CCNL2: variants seen among roughly 807,000 people sequenced by gnomAD.
CCNL2 encodes cyclin L2.
In CCNL2, 28 loss-of-function variants were observed where a neutral mutation model predicts 59.1. That is an observed-to-expected ratio of 0.47 (90% CI 0.35 to 0.65). CCNL2 has a LOEUF of 0.65. Among genes scored for constraint, CCNL2 ranks in the 30% least tolerant of loss-of-function variants. The pLI is 0.00. For missense variants in CCNL2, 714 were observed against 717.4 expected, an observed-to-expected ratio of 1.00 and a Z score of 0.05; for synonymous variants, 342 against 288.6, an observed-to-expected ratio of 1.19 and a Z score of -1.88.
chr1:1,391,243 T>C, intron 5 of CCNL2: 1 of 1,102,790 alleles, frequency 9.1e-7, no homozygotes, highest in Non-Finnish European at 1.1e-6. Flanking sequence ...TAAAACGCTT[T>C]TGATTAAAGA....
chr1:1,398,518 C>T (rs1386030545), intron 2 of CCNL2, 79 bp downstream of exon 2: 1 of 1,583,396 alleles, frequency 6.3e-7, no homozygotes, highest in Non-Finnish European at 8.7e-7. Context: ...TACTCACTCC[C>T]TTAGTAACCG....
At chr1:1,390,974 C>T (rs1375908117) in intron 5 of CCNL2, 109 bp from the exon 6 acceptor site, 1 of 986,686 alleles carries the variant, frequency 1.0e-6, no homozygotes, top group African/African-American at 1.6e-5. Context: ...TCTAAGGAGT[C>T]TATTGCTAGG....
chr1:1,397,102 G>C (rs923629834), intron 3 of CCNL2, among the ~76,000 whole-genome samples: 1 of 152,080 alleles, frequency 6.6e-6, no homozygotes, highest in Non-Finnish European at 1.5e-5. Context: ...GGCTGGTCTC[G>C]AACTCCTGAC....
chr1:1,386,126 T>A lies in CCNL2; in HGVS notation c.*1105A>T, dbSNP rs1317142658. Reference sequence around the variant, plus strand: ...TGATGACAGTGGGGGGCACTCAGAGTGCAGGTGCCACCCCCGTGGGGTGAC... The same window carrying A: ...TGATGACAGTGGGGGGCACTCAGAGAGCAGGTGCCACCCCCGTGGGGTGAC... On this transcript the variant is annotated 3_prime_UTR_variant, in exon 11 of 11. Transcript: ENST00000400809. The A allele has an allele frequency of 6.6e-6, 1 of 152,088 alleles. No homozygotes were observed. Among genetic ancestry groups the A allele is most frequent in the Non-Finnish European group, 1.5e-5 (1 of 68,012 alleles). 9.4% of individuals were successfully genotyped at this position (152,088 alleles called of 1,614,324 possible). A position where few individuals can be genotyped will look rare whatever the true frequency, so the allele number is the denominator to read the frequency against.
chr1:1,393,468 A>T lies in CCNL2; in HGVS notation c.595-8T>A. On this transcript the variant is annotated splice_region_variant and splice_polypyrimidine_tract_variant and intron_variant, in intron 4 of 10. Transcript: ENST00000400809. Reference sequence around the variant, plus strand: ...AAGGTACATAACGATTATCTGGAAGATACGGGTCAGGCAGTTATTACCAAG... The same window carrying T: ...AAGGTACATAACGATTATCTGGAAGTTACGGGTCAGGCAGTTATTACCAAG... 1.9e-6 allele frequency: 3 copies of T among 1,613,710 alleles called. No homozygotes were observed. Among genetic ancestry groups the T allele is most frequent in the Non-Finnish European group, 2.5e-6 (3 of 1,179,584 alleles).
At chr1:1,390,642 C>A (rs1307966121) in intron 6 of CCNL2, 79 bp from the exon 7 acceptor site, 2 of 1,471,778 alleles carry the variant, frequency 1.4e-6, no homozygotes, top group Non-Finnish European at 1.9e-6. Context: ...AAAAAACAGC[C>A]TGTTGGTCAC....
intron 3 of CCNL2, 88 bp downstream of exon 3, chr1:1,398,145 T>C (rs760792021): frequency 1.6e-6 from 2 of 1,271,834 alleles, no homozygotes; most frequent in African/African-American, 1.5e-5. Flanking sequence ...CTCAGGCCTG[T>C]ATTGTGTTAT....
Position 1,390,330 on chromosome 1 carries a change from C to T in CCNL2, c.906G>A (p.Lys302=). The change falls in exon 8 of 11, where the codon AAG becomes AAA. Residue 302 remains lysine (K), a synonymous_variant. Coordinates refer to ENST00000400809, the MANE Select transcript of CCNL2 (RefSeq NM_030937.6). ...GGGCCTTTGCCTCTTCGATAGCGTG[C>T]TTTCTTTTTTCCACTTCACCCTCCA... The part of the protein sequence containing the change: ...THLEGEVEKR[K]HAIEEAKAQA... The T allele has an allele frequency of 6.2e-7, 1 of 1,613,990 alleles. No homozygotes were observed. Among genetic ancestry groups the T allele is most frequent in the Non-Finnish European group, 8.5e-7 (1 of 1,179,906 alleles).
At chr1:1,390,954 G>GT in intron 5 of CCNL2, 89 bp from the exon 6 acceptor site, 1 of 1,134,838 alleles carries the variant, frequency 8.8e-7, no homozygotes, top group Non-Finnish European at 1.3e-6. Context: ...CTAGATAAAC[G>GT]TACTACTCCT....
chr1:1,389,368 C>CA (rs896066595), intron 8 of CCNL2: 27 of 152,200 alleles, frequency 1.8e-4, no homozygotes, highest in African/African-American at 3.6e-4. Flanking sequence ...GACTCCATCT[C>CA]AAAAAAAAGA....
Position 1,387,883 on chromosome 1 carries a change from A to C in CCNL2, c.1119-14T>G. Reference sequence around the variant, plus strand: ...CCCTTTGGCAAGCTGTGAACAGGACAGGAGCCAGTTACAAAGCAGAAGTCC... The same window carrying C: ...CCCTTTGGCAAGCTGTGAACAGGACCGGAGCCAGTTACAAAGCAGAAGTCC... On this transcript the variant is annotated splice_polypyrimidine_tract_variant and intron_variant, in intron 9 of 10. Coordinates refer to ENST00000400809, the MANE Select transcript of CCNL2 (RefSeq NM_030937.6). 1 of 1,613,858 alleles carries C rather than the reference A, an allele frequency of 6.2e-7. No individual in the cohort carries two copies. Among genetic ancestry groups the C allele is most frequent in the Non-Finnish European group, 8.5e-7 (1 of 1,179,978 alleles).
chr1:1,398,211 T>G, intron 3 of CCNL2, 22 bp downstream of exon 3: 2 of 1,611,306 alleles, frequency 1.2e-6, no homozygotes, highest in East Asian at 2.2e-5. Flanking sequence ...TATGATAGAC[T>G]AGACAGCTCT....
chr1:1,391,324 G>A (rs919948198), intron 5 of CCNL2: 7 of 1,157,230 alleles, frequency 6.0e-6, no homozygotes, highest in African/African-American at 4.9e-5. Context: ...GCACAAAGCC[G>A]GTGTGGCTGC....
rs1197492277 is a variant in CCNL2, at chr1:1,390,270, C to A, written c.966G>T (p.Val322=). The A allele has an allele frequency of 6.2e-7, 1 of 1,613,810 alleles. No individual in the cohort carries two copies. Among genetic ancestry groups the A allele is most frequent in the Non-Finnish European group, 8.5e-7 (1 of 1,179,758 alleles). The change falls in exon 8 of 11, where the codon GTG becomes GTT. Residue 322 remains valine (V), a synonymous_variant. Coordinates refer to ENST00000400809, the MANE Select transcript of CCNL2 (RefSeq NM_030937.6). Reference sequence around the variant, plus strand: ...GAGAGAACCCCGAGGTACCATCCAGCACCTGTGTGCCCCCAGGCAACAGGC... The same window carrying A: ...GAGAGAACCCCGAGGTACCATCCAGAACCTGTGTGCCCCCAGGCAACAGGC... ...ARGLLPGGTQ[V]LDGTSGFSPA...
At chr1:1,391,201 T>C in intron 5 of CCNL2, 1 of 1,123,738 alleles carries the variant, frequency 8.9e-7, no homozygotes, top group Non-Finnish European at 1.1e-6. Context: ...CAAAGCACGA[T>C]GCCTCAGAAA....
intron 5 of CCNL2, chr1:1,392,960 A>G: frequency 1.3e-6 from 1 of 745,464 alleles, no homozygotes; most frequent in Middle Eastern, 2.4e-4. Context: ...CAAATACTAC[A>G]TTGCACTTTA....
chr1:1,388,612 C>CA (rs1208168879), intron 8 of CCNL2: 5 of 415,148 alleles, frequency 1.2e-5, no homozygotes, highest in African/African-American at 2.1e-5. Flanking sequence ...GACACACACT[C>CA]ACACACAAAT....
chr1:1,392,466 C>T (rs1340561019), intron 5 of CCNL2: 3 of 1,227,158 alleles, frequency 2.4e-6, no homozygotes, highest in East Asian at 7.2e-5. Flanking sequence ...TTTGTCTCTT[C>T]AATTCTCACA....
intron 5 of CCNL2, chr1:1,392,670 T>C: frequency 6.5e-7 from 1 of 1,534,912 alleles, no homozygotes; most frequent in Non-Finnish European, 8.8e-7. Flanking sequence ...GGCTATGCTA[T>C]GTGCGTACCA....
Sources: allele counts gnomAD v4.1 joint callset (sites outside exome capture counted in the v4.1 genomes callset), GRCh38; gene constraint gnomAD v4.1.1; transcripts MANE v1.5; gene names NCBI Gene and HGNC (gene_info 2026-07-23, HGNC 2026-07-21).